Variants in RNGTT observed in about 807,000 individuals in gnomAD.
RNGTT encodes mRNA-capping enzyme.
A neutral mutation model predicts 79.3 loss-of-function variants in RNGTT; 33 were observed. The ratio of observed to expected loss-of-function variants is 0.42; its 90% confidence interval spans 0.32 to 0.56. The LOEUF (loss-of-function observed/expected upper bound fraction) is 0.56. Among genes scored for constraint, RNGTT ranks in the 20% least tolerant of loss-of-function variants. RNGTT has a pLI of 0.17. For missense variants in RNGTT, 497 were observed against 739.1 expected (o/e 0.67, Z 3.80); for synonymous variants, 222 against 235.9 (o/e 0.94, Z 0.54).
chr6:88,713,889 T>C (rs754096797), intron 13 of RNGTT, among the ~76,000 whole-genome samples: 2 of 152,220 alleles, frequency 1.3e-5, no homozygotes, highest in Non-Finnish European at 2.9e-5. Context: ...TGGATAATCT[T>C]TTCTTCCCCC....
At chr6:88,867,576 A>G (rs1782215616) in intron 8 of RNGTT, among the ~76,000 whole-genome samples, 1 of 139,590 alleles carries the variant, frequency 7.2e-6, no homozygotes, top group African/African-American at 2.8e-5. Context: ...TTTTAATCTG[A>G]AAAAAAAAGT....
At chr6:88,665,583 G>A (rs1337626751) in intron 14 of RNGTT, among the ~76,000 whole-genome samples, 1 of 152,208 alleles carries the variant, frequency 6.6e-6, no homozygotes, top group African/African-American at 2.4e-5. Context: ...CACCTGCCTA[G>A]ACCTGAAGGA....
Position 88,784,370 on chromosome 6 carries a change from G to A in RNGTT, c.1339-14496C>T, listed in dbSNP as rs573442747. Among the ~76,000 whole-genome samples, 15 of 152,216 alleles carry A rather than the reference G, an allele frequency of 9.9e-5. No homozygotes were observed. In the East Asian group the frequency reaches 1.9e-3, roughly 20 times the overall value. On this transcript the variant is annotated intron_variant, in intron 12 of 15. Coordinates refer to ENST00000369485, the MANE Select transcript of RNGTT (RefSeq NM_003800.5). ...TTTAAATAACTAAAAATTAATACACGTTAAGTGCTTTGAGGCCAATGGGAA... is the reference window on the plus strand; with the variant it reads ...TTTAAATAACTAAAAATTAATACACATTAAGTGCTTTGAGGCCAATGGGAA...
intron 8 of RNGTT, among the ~76,000 whole-genome samples, chr6:88,880,963 A>T (rs1403662966): frequency 2.6e-5 from 4 of 152,192 alleles, no homozygotes; most frequent in Non-Finnish European, 5.9e-5. Flanking sequence ...CACAATTACA[A>T]GACAGTTCAA....
chr6:88,783,108 G>A (rs1408835582), intron 12 of RNGTT, among the ~76,000 whole-genome samples: 2 of 152,150 alleles, frequency 1.3e-5, no homozygotes, highest in Non-Finnish European at 2.9e-5. Flanking sequence ...ATTCACTGCA[G>A]CTTTATGCAC....
intron 11 of RNGTT, among the ~76,000 whole-genome samples, chr6:88,802,647 C>T (rs1010292053): frequency 6.6e-6 from 1 of 152,084 alleles, no homozygotes; most frequent in African/African-American, 2.4e-5. Context: ...TTCCACATGG[C>T]TGGGGTGGCC....
intron 13 of RNGTT, among the ~76,000 whole-genome samples, chr6:88,689,661 T>C (rs1374443663): frequency 6.6e-6 from 1 of 151,630 alleles, no homozygotes; most frequent in African/African-American, 2.4e-5. Flanking sequence ...TTGTTTACAG[T>C]AAAATTTATC....
At chr6:88,893,482 A>T (rs995468756) in intron 6 of RNGTT, among the ~76,000 whole-genome samples, 1 of 152,164 alleles carries the variant, frequency 6.6e-6, no homozygotes, top group Non-Finnish European at 1.5e-5. Flanking sequence ...TATTTTTAAC[A>T]TATAATAAAA....
intron 8 of RNGTT, among the ~76,000 whole-genome samples, chr6:88,889,010 A>G: frequency 6.6e-6 from 1 of 152,240 alleles, no homozygotes; most frequent in East Asian, 1.9e-4. Context: ...CCTGGACAAC[A>G]AGAGTGAAAA....
intron 13 of RNGTT, among the ~76,000 whole-genome samples, chr6:88,706,542 G>A (rs1776135807): frequency 6.6e-6 from 1 of 152,048 alleles, no homozygotes; most frequent in East Asian, 1.9e-4. Context: ...GTAATTTAAA[G>A]GGTTCCAAGC....
chr6:88,830,244 AC>A (rs1780809944), intron 11 of RNGTT, among the ~76,000 whole-genome samples: 1 of 152,152 alleles, frequency 6.6e-6, no homozygotes, highest in South Asian at 2.1e-4. Context: ...TCACTCAAAA[AC>A]CGCACAACTA....
chr6:88,632,940 T>C (rs1041690814), intron 14 of RNGTT, among the ~76,000 whole-genome samples: 3 of 152,206 alleles, frequency 2.0e-5, no homozygotes, highest in African/African-American at 7.2e-5. Context: ...TTTCGAACAA[T>C]GACTACACTG....
intron 13 of RNGTT, among the ~76,000 whole-genome samples, chr6:88,752,559 T>A (rs576978247): frequency 1.3e-5 from 2 of 152,298 alleles, no homozygotes; most frequent in African/African-American, 4.8e-5. Context: ...TTACCAAGGC[T>A]TAGTAATATT....
At chr6:88,812,705 T>C (rs1237495301) in intron 11 of RNGTT, among the ~76,000 whole-genome samples, 1 of 152,238 alleles carries the variant, frequency 6.6e-6, no homozygotes, top group Non-Finnish European at 1.5e-5. Flanking sequence ...CATCCTCATC[T>C]ACAAGCAGTC....
chr6:88,763,087 C>CT (rs59200191), intron 13 of RNGTT, among the ~76,000 whole-genome samples: 2,640 of 95,396 alleles, frequency 0.028, 364 homozygotes, highest in African/African-American at 0.088. Flanking sequence ...TCATGGCCAG[C>CT]TTTTTTTTTT....
At chr6:88,789,346 G>A (rs1779329405) in intron 12 of RNGTT, among the ~76,000 whole-genome samples, 1 of 152,196 alleles carries the variant, frequency 6.6e-6, no homozygotes, top group African/African-American at 2.4e-5. Context: ...TGGATAACGA[G>A]GTCAGGAGAT....
At chr6:88,745,598 A>C (rs898375403) in intron 13 of RNGTT, among the ~76,000 whole-genome samples, 9 of 152,200 alleles carry the variant, frequency 5.9e-5, no homozygotes, top group Non-Finnish European at 1.0e-4. Context: ...TACTAGAAAA[A>C]TTTAATTACA....
chr6:88,647,530 G>A (rs1173033881), intron 14 of RNGTT, among the ~76,000 whole-genome samples: 2 of 151,786 alleles, frequency 1.3e-5, no homozygotes, highest in Non-Finnish European at 2.9e-5. Context: ...AGACCAGCCT[G>A]GGCAACATAG....
chr6:88,700,228 C>T (rs1399674343), intron 13 of RNGTT, among the ~76,000 whole-genome samples: 2 of 152,102 alleles, frequency 1.3e-5, no homozygotes, highest in Non-Finnish European at 1.5e-5. Context: ...TGCTGAGGTT[C>T]CCACAGAAAT....
Sources: gnomAD v4.1 joint callset for allele counts (sites outside exome capture counted in the v4.1 genomes callset) on GRCh38, gnomAD v4.1.1 for gene constraint, MANE v1.5 for transcripts, NCBI Gene and HGNC (gene_info 2026-07-23, HGNC 2026-07-21) for gene names.